The following MICU3 variants were observed in gnomAD, a reference collection of about 807,000 sequenced individuals.
The protein encoded by MICU3 is calcium uptake protein 3, mitochondrial.
MICU3 carries 62 observed loss-of-function variants against 66.5 expected under a neutral mutation model. The ratio of observed to expected loss-of-function variants is 0.93; its 90% CI spans 0.76 to 1.15. The LOEUF is 1.15. Ranked by LOEUF, MICU3 falls within the 50% of genes most tolerant of loss-of-function variation. The pLI, the probability that MICU3 is intolerant of heterozygous loss-of-function variation, is 0.00. For missense variants in MICU3, 779 were observed against 664.4 expected (o/e 1.17, Z -1.90); for synonymous variants, 308 against 240.7 (o/e 1.28, Z -2.59).
rs772359765 is a variant in MICU3, at chr8:17,105,579, G to A, written c.1252G>A (p.Glu418Lys). 1.3e-6 allele frequency: 2 copies of A among 1,511,488 alleles called. No individual in the cohort carries two copies. The highest frequency in any genetic ancestry group is 1.8e-6 in the Non-Finnish European group (2 of 1,124,734). 93.6% of individuals were successfully genotyped at this position (1,511,488 alleles called of 1,614,324 possible). ...AAATGTGCGTTACAGTATACCTGAAGAAAAGGTATCTAATCCTCATATTTA... is the reference window on the plus strand; with the variant it reads ...AAATGTGCGTTACAGTATACCTGAAAAAAAGGTATCTAATCCTCATATTTA... ...LENVRYSIPE[E>K]KGITFDEFRS... The change falls in exon 11 of 15, where the codon GAA (glutamate) becomes AAA (lysine). Residue 418 changes from glutamate to lysine, a missense_variant. Physicochemically the swap from Glu to Lys is moderately conservative, Grantham distance 56. Coordinates refer to ENST00000318063, the MANE Select transcript of MICU3 (RefSeq NM_181723.3).
chr8:17,130,347 A>T, the MICU3 span, among the ~76,000 whole-genome samples: 1 of 152,060 alleles, frequency 6.6e-6, no homozygotes, highest in African/African-American at 2.4e-5. Flanking sequence ...AACATGGTAA[A>T]ACCCCATCTC....
intron 8 of MICU3, 42 bp from the exon 9 acceptor site, chr8:17,098,416 C>T: frequency 8.4e-7 from 1 of 1,186,580 alleles, no homozygotes; most frequent in Non-Finnish European, 1.3e-6. Context: ...TTCTTTGTAA[C>T]TATTCTTTAG....
At chr8:17,112,819 G>A (rs891889448) in intron 11 of MICU3, among the ~76,000 whole-genome samples, 3 of 152,178 alleles carry the variant, frequency 2.0e-5, no homozygotes, top group Non-Finnish European at 4.4e-5. Context: ...GCAGCAGGTC[G>A]CAGCATAAAC....
intron 1 of MICU3, among the ~76,000 whole-genome samples, chr8:17,044,430 G>C (rs1814720948): frequency 6.6e-6 from 1 of 152,200 alleles, no homozygotes; most frequent in African/African-American, 2.4e-5. Context: ...TTCTTCAGCA[G>C]TGTTTTCTTA....
At chr8:17,138,459 G>A in the MICU3 span, among the ~76,000 whole-genome samples, 3 of 152,074 alleles carry the variant, frequency 2.0e-5, no homozygotes, top group African/African-American at 4.8e-5. Flanking sequence ...AACAAATTAG[G>A]GAAGGAAATG....
intron 1 of MICU3, among the ~76,000 whole-genome samples, chr8:17,047,414 TGAG>T (rs1432819660): frequency 6.6e-6 from 1 of 152,110 alleles, no homozygotes; most frequent in Non-Finnish European, 1.5e-5. Flanking sequence ...GGGTTACAGA[TGAG>T]GAGGAGAGAG....
chr8:17,088,005 A>G (rs1298095406), intron 7 of MICU3, among the ~76,000 whole-genome samples: 1 of 152,026 alleles, frequency 6.6e-6, no homozygotes, highest in Non-Finnish European at 1.5e-5. Flanking sequence ...TATTTTTATT[A>G]TTCTCATTTT....
intron 1 of MICU3, among the ~76,000 whole-genome samples, chr8:17,038,137 G>C (rs1563272974): frequency 6.6e-6 from 1 of 152,186 alleles, no homozygotes. Context: ...TTGGGGGACT[G>C]TTGGAAGGCA....
the MICU3 span, among the ~76,000 whole-genome samples, chr8:17,133,817 A>T: frequency 6.6e-6 from 1 of 152,170 alleles, no homozygotes; most frequent in Non-Finnish European, 1.5e-5. Flanking sequence ...AGATTTTTAC[A>T]TACCTAAATC....
At chr8:17,054,155 T>C (rs371836815) in intron 1 of MICU3, among the ~76,000 whole-genome samples, 7 of 152,362 alleles carry the variant, frequency 4.6e-5, no homozygotes, top group South Asian at 2.1e-4. Context: ...TGTCTATATT[T>C]TCCTATTCGG....
chr8:17,095,976 T>C (rs972187661), intron 8 of MICU3, among the ~76,000 whole-genome samples: 8 of 152,008 alleles, frequency 5.3e-5, no homozygotes, highest in Admixed American at 2.6e-4. Flanking sequence ...GCACACTACA[T>C]GCAGGACATC....
At chr8:17,124,298 T>G (rs1803347184), downstream of MICU3, among the ~76,000 whole-genome samples, 2 of 152,216 alleles carry the variant, frequency 1.3e-5, no homozygotes, top group Admixed American at 6.5e-5. Flanking sequence ...TTTTCTCCTT[T>G]GCAGTTTGCT....
intron 1 of MICU3, among the ~76,000 whole-genome samples, chr8:17,047,859 A>G (rs1412587746): frequency 6.6e-6 from 1 of 152,246 alleles, no homozygotes; most frequent in Non-Finnish European, 1.5e-5. Context: ...AAAGGGGTGA[A>G]ATTCAAGAAG....
intron 12 of MICU3, 26 bp downstream of exon 12, chr8:17,114,227 A>G: frequency 7.1e-7 from 1 of 1,413,616 alleles, no homozygotes. Flanking sequence ...CAAAAATTAA[A>G]AGCAAGAAGT....
At chr8:17,032,812 C>T (rs1324452609) in intron 1 of MICU3, among the ~76,000 whole-genome samples, 2 of 152,166 alleles carry the variant, frequency 1.3e-5, no homozygotes. Context: ...CACCATTTTT[C>T]CAACATTATA....
In MICU3 at chr8:17,121,242, A is replaced by G. The variant is rs1209583813; in HGVS notation, c.*955A>G. The G allele has an allele frequency of 2.0e-5, 3 of 151,930 alleles. No homozygotes were observed. The highest frequency in any genetic ancestry group is 4.8e-5 in the African/African-American group (2 of 41,452). The allele number at this position is 151,930 out of a possible 1,614,324, so 9.4% of individuals were successfully genotyped here. ...TAATATAAAATGGTTTATAAGACTG[A>G]TGTATATATTAAGTAGAAGCTAATA... On this transcript the variant is annotated 3_prime_UTR_variant, in exon 15 of 15. Coordinates refer to ENST00000318063, the MANE Select transcript of MICU3 (RefSeq NM_181723.3).
the MICU3 span, among the ~76,000 whole-genome samples, chr8:17,128,368 A>G: frequency 3.3e-5 from 5 of 152,176 alleles, no homozygotes; most frequent in African/African-American, 9.6e-5. Flanking sequence ...GGTAGCCACT[A>G]TGAGTGAAAA....
At chr8:17,129,758 CTT>C in the MICU3 span, among the ~76,000 whole-genome samples, 7 of 152,248 alleles carry the variant, frequency 4.6e-5, no homozygotes, top group African/African-American at 1.7e-4. Flanking sequence ...AACCAAAATT[CTT>C]CCCAAATTTG....
chr8:17,081,652 A>G, intron 4 of MICU3, 41 bp from the exon 5 acceptor site: 1 of 599,004 alleles, frequency 1.7e-6, no homozygotes, highest in East Asian at 3.7e-5. Context: ...TGCTTCTAGA[A>G]CAATATTTTA....
Sources: gnomAD v4.1 joint callset for allele counts (sites outside exome capture counted in the v4.1 genomes callset) on GRCh38, gnomAD v4.1.1 for gene constraint, MANE v1.5 for transcripts, NCBI Gene and HGNC (gene_info 2026-07-23, HGNC 2026-07-21) for gene names.